TMBIM4: variants seen among roughly 807,000 people sequenced by gnomAD.
The protein encoded by TMBIM4 is transmembrane BAX inhibitor motif containing 4.
A neutral mutation model predicts 27.7 loss-of-function variants in TMBIM4; 28 were observed. The ratio of observed to expected loss-of-function variants is 1.01; its 90% CI spans 0.75 to 1.38. TMBIM4 has a LOEUF of 1.38. Ranked by LOEUF, TMBIM4 falls within the 40% of genes most tolerant of loss-of-function variation. The pLI is 0.00. For synonymous variants in TMBIM4, 115 were observed against 113.1 expected (o/e 1.02, Z -0.11); for missense variants, 265 against 277.5 (o/e 0.95, Z 0.32).
At chr12:66,165,640 C>CTGTATT (rs1348652642) in intron 1 of TMBIM4, among the ~76,000 whole-genome samples, 1 of 152,068 alleles carries the variant, frequency 6.6e-6, no homozygotes, top group Non-Finnish European at 1.5e-5. Flanking sequence ...TTTATTCAGG[C>CTGTATT]TATTTGTCTT....
chr12:66,165,311 T>C (rs1449102611), intron 1 of TMBIM4, among the ~76,000 whole-genome samples: 1 of 152,100 alleles, frequency 6.6e-6, no homozygotes, highest in African/African-American at 2.4e-5. Flanking sequence ...TCAAAACTTA[T>C]TACAAAGCCA....
chr12:66,160,399 T>C (rs2052014716), intron 1 of TMBIM4: 1 of 571,294 alleles, frequency 1.8e-6, no homozygotes, highest in Admixed American at 3.1e-5. Context: ...TGGAGAAATT[T>C]ACAAAGATAT....
At chr12:66,149,426 CAG>C (rs1345340601) in intron 3 of TMBIM4, among the ~76,000 whole-genome samples, 1 of 116,780 alleles carries the variant, frequency 8.6e-6, no homozygotes, top group East Asian at 2.6e-4. Flanking sequence ...GCCTGGGTGA[CAG>C]AGAGAGACCC....
chr12:66,164,457 C>T (rs944375938), intron 1 of TMBIM4, among the ~76,000 whole-genome samples: 5 of 152,102 alleles, frequency 3.3e-5, no homozygotes, highest in Admixed American at 3.3e-4. Context: ...TTGTTTTGAC[C>T]TAAGGACAGG....
chr12:66,154,568 G>C (rs984877817), intron 1 of TMBIM4, among the ~76,000 whole-genome samples: 4 of 152,164 alleles, frequency 2.6e-5, no homozygotes, highest in African/African-American at 9.7e-5. Flanking sequence ...TTAGAGGACT[G>C]TGCTTAGGCA....
At chr12:66,162,580 C>T (rs1338927584) in intron 1 of TMBIM4, among the ~76,000 whole-genome samples, 1 of 152,210 alleles carries the variant, frequency 6.6e-6, no homozygotes, top group Non-Finnish European at 1.5e-5. Context: ...CTAGCAGCTG[C>T]TGAAACAATC....
chr12:66,145,366 T>A (rs1361947593), intron 5 of TMBIM4: 1 of 152,288 alleles, frequency 6.6e-6, no homozygotes, highest in Admixed American at 6.5e-5. Context: ...ATAATCCTAA[T>A]ATAAAAAGGA....
rs757878267 is a variant in TMBIM4, at chr12:66,138,121, C to T, written c.556G>A (p.Gly186Arg). The change falls in exon 7 of 7, where the codon GGA becomes AGA. Residue 186 changes from glycine to arginine, a missense_variant. Gly to Arg is a moderately radical substitution (Grantham distance 125, BLOSUM62 -2). Transcript: ENST00000358230. ...ATGAATCCACAGAAAAGAAGGGCTC[C>T]TGCAGCGGCTAAGACCAACTCCATT... ...EIMELVLAAA[G>R]ALLFCGFIIY... 7.4e-6 allele frequency: 12 copies of T among 1,613,830 alleles called. No individual in the cohort carries two copies. Among genetic ancestry groups the T allele is most frequent in the African/African-American group, 2.7e-5 (2 of 74,846 alleles).
chr12:66,154,906 G>T (rs2051906549), intron 1 of TMBIM4, among the ~76,000 whole-genome samples: 1 of 152,088 alleles, frequency 6.6e-6, no homozygotes, highest in South Asian at 2.1e-4. Context: ...AGTTTTTCCT[G>T]ATGTCCTAAA....
intron 3 of TMBIM4, among the ~76,000 whole-genome samples, chr12:66,152,058 T>A (rs2051853123): frequency 6.6e-6 from 1 of 152,184 alleles, no homozygotes; most frequent in Non-Finnish European, 1.5e-5. Context: ...GGTCATCTAT[T>A]CCAATTCAGC....
chr12:66,153,837 C>T (rs1481134227), intron 1 of TMBIM4, among the ~76,000 whole-genome samples: 1 of 149,434 alleles, frequency 6.7e-6, no homozygotes, highest in African/African-American at 2.6e-5. Flanking sequence ...AGCATATAAA[C>T]GTTAAGTTTT....
In TMBIM4 at chr12:66,153,376, A is replaced by T. The variant is rs773005392; in HGVS notation, c.170T>A (p.Leu57Ter). 3.1e-6 allele frequency: 5 copies of T among 1,597,320 alleles called. No individual in the cohort carries two copies. The South Asian group carries it at 3.4e-5, about 11-fold the overall frequency. Residue 57 changes from leucine (L) to a stop codon, truncating the protein, a stop_gained, in exon 2 of 7, where the codon TTA (leucine) becomes TAA (stop). Transcript: ENST00000358230. LOFTEE classifies it high-confidence loss of function. ...AAATGTCCGTACAGACTCAAAGTAT[A>T]AAAAAACTGTTGAAGTCACTGTAGT... is the stretch of plus-strand genomic sequence containing the variant. ...LLTTVTSTVFLYFESVRTFVH... is the reference protein window; with the variant it reads ...LLTTVTSTVF
intron 4 of TMBIM4, among the ~76,000 whole-genome samples, chr12:66,146,985 T>C (rs1268689065): frequency 6.6e-6 from 1 of 152,132 alleles, no homozygotes; most frequent in Non-Finnish European, 1.5e-5. Context: ...CTGAAATGAA[T>C]CTCTCTCCTA....
Position 66,153,319 on chromosome 12 carries a change from A to C in TMBIM4, c.206+21T>G, listed in dbSNP as rs756247061. The C allele has an allele frequency of 2.2e-6, 3 of 1,348,220 alleles. No individual in the cohort carries two copies. In the East Asian group the frequency reaches 7.1e-5, roughly 32 times the overall value. The allele number at this position is 1,348,220 out of a possible 1,614,324, so 83.5% of individuals were successfully genotyped here. A position where few individuals can be genotyped will look rare whatever the true frequency, so the allele number is the denominator to read the frequency against. On this transcript the variant is annotated intron_variant, in intron 2 of 6. Transcript: ENST00000358230. Reference sequence around the variant, plus strand: ...CATATGCAATGTCTGAAAATTATTCATTACCATCTCATTACCTTACCTCTC... The same window carrying C: ...CATATGCAATGTCTGAAAATTATTCCTTACCATCTCATTACCTTACCTCTC...
intron 4 of TMBIM4, among the ~76,000 whole-genome samples, chr12:66,146,682 C>T (rs2051757438): frequency 6.6e-6 from 1 of 151,714 alleles, no homozygotes; most frequent in South Asian, 2.1e-4. Flanking sequence ...AAGTTATAAC[C>T]TCTTGGAGGT....
intron 5 of TMBIM4, 33 bp from the exon 6 acceptor site, chr12:66,138,802 T>C: frequency 6.8e-7 from 1 of 1,475,088 alleles, no homozygotes; most frequent in Non-Finnish European, 9.0e-7. Context: ...ATTTGCAATA[T>C]TGTTCCTTAC....
intron 5 of TMBIM4, among the ~76,000 whole-genome samples, chr12:66,140,239 C>G (rs532832091): frequency 1.3e-5 from 2 of 152,048 alleles, no homozygotes; most frequent in African/African-American, 2.4e-5. Flanking sequence ...AATATACTCC[C>G]TAGTTCAAGA....
chr12:66,169,991 G>GC lies in TMBIM4; in HGVS notation c.-41dup. ...CCCTACCGGTCCCGGTCCACTAACCGCAACCGCCTCCTCCCCACTTCCGCG... is the reference window on the plus strand; with the variant it reads ...CCCTACCGGTCCCGGTCCACTAACCGCCAACCGCCTCCTCCCCACTTCCGCG... On this transcript the variant is annotated 5_prime_UTR_variant, in exon 1 of 7. Transcript: ENST00000358230. 1 of 1,388,338 alleles carries GC rather than the reference G, an allele frequency of 7.2e-7. No homozygotes were observed. The highest frequency in any genetic ancestry group is 9.6e-7 in the Non-Finnish European group (1 of 1,040,206). 86.0% of individuals were successfully genotyped at this position (1,388,338 alleles called of 1,614,324 possible).
intron 5 of TMBIM4, among the ~76,000 whole-genome samples, chr12:66,140,913 T>A (rs1184708761): frequency 6.6e-6 from 1 of 152,012 alleles, no homozygotes; most frequent in Non-Finnish European, 1.5e-5. Context: ...TACAGAGGAA[T>A]AAATATAAGA....
Sources: gnomAD v4.1 joint callset for allele counts (sites outside exome capture counted in the v4.1 genomes callset) on GRCh38, gnomAD v4.1.1 for gene constraint, MANE v1.5 for transcripts, NCBI Gene and HGNC (gene_info 2026-07-23, HGNC 2026-07-21) for gene names.